UTP4: variants seen among roughly 807,000 people sequenced by gnomAD.
The protein encoded by UTP4 is U3 small nucleolar RNA-associated protein 4 homolog.
A neutral mutation model predicts 82.4 loss-of-function variants in UTP4; 45 were observed. That is an observed-to-expected ratio of 0.55 (90% CI 0.43 to 0.70). The LOEUF is 0.70. Among genes scored for constraint, UTP4 ranks in the 30% least tolerant of loss-of-function variants. The pLI is 0.00. For synonymous variants in UTP4, 348 were observed against 300.3 expected (o/e 1.16, Z -1.64); for missense variants, 819 against 858.3 (o/e 0.95, Z 0.57).
intron 14 of UTP4, among the ~76,000 whole-genome samples, chr16:69,164,210 G>GCA (rs1398353892): frequency 6.6e-6 from 1 of 151,698 alleles, no homozygotes; most frequent in African/African-American, 2.4e-5. Context: ...ACTCACACAT[G>GCA]CACACACACA....
At chr16:69,142,001 G>A (rs1433097221) in intron 5 of UTP4, 1 of 117,810 alleles carries the variant, frequency 8.5e-6, no homozygotes, top group African/African-American at 3.4e-5. Context: ...CCCTCACCCC[G>A]AAACTCTTCT....
Position 69,157,223 on chromosome 16 carries a change from C to T in UTP4, c.1427C>T (p.Ala476Val). 1 of 1,614,136 alleles carries T rather than the reference C, an allele frequency of 6.2e-7. No individual in the cohort carries two copies. The highest frequency in any genetic ancestry group is 8.5e-7 in the Non-Finnish European group (1 of 1,180,016). Residue 476 changes from alanine (A) to valine (V), a missense_variant, in exon 12 of 17, where the codon GCT (alanine) becomes GTT (valine). Transcript: ENST00000314423. The stretch of plus-strand genomic sequence containing the variant: ...GGAGGAAGCTTCAAGCACCTGCATG[C>T]TTTCCAGCCTCAGTCAGGTGGGAAT... The part of the protein sequence containing the change: ...LSGGSFKHLH[A>V]FQPQSGTVEA...
At chr16:69,150,456 T>G (rs897031944) in intron 6 of UTP4, 81 bp from the exon 7 acceptor site, 1 of 1,501,496 alleles carries the variant, frequency 6.7e-7, no homozygotes, top group African/African-American at 1.4e-5. Flanking sequence ...CCTAAGCTGC[T>G]GAGACAGAAA....
chr16:69,157,281 C>T (rs1434471175), intron 12 of UTP4, 41 bp downstream of exon 12: 1 of 1,607,518 alleles, frequency 6.2e-7, no homozygotes, highest in Non-Finnish European at 8.5e-7. Context: ...CTTGTCGTGT[C>T]TAAGATGTAA....
At chr16:69,134,206 A>C (rs2152275985) in intron 2 of UTP4, among the ~76,000 whole-genome samples, 1 of 152,214 alleles carries the variant, frequency 6.6e-6, no homozygotes, top group South Asian at 2.1e-4. Context: ...TTCGGGTGCA[A>C]CATCTTAGTT....
chr16:69,148,304 C>T (rs987979656), intron 6 of UTP4, among the ~76,000 whole-genome samples: 4 of 151,196 alleles, frequency 2.6e-5, no homozygotes, highest in Admixed American at 1.3e-4. Flanking sequence ...ATTATGTTGG[C>T]CAGGCTGGTG....
At chr16:69,151,572 G>A (rs566653939) in intron 8 of UTP4, among the ~76,000 whole-genome samples, 2 of 150,478 alleles carry the variant, frequency 1.3e-5, no homozygotes, top group South Asian at 2.1e-4. Context: ...CGCCCGCCTC[G>A]GCCTCCCAAA....
intron 6 of UTP4, among the ~76,000 whole-genome samples, chr16:69,147,001 C>CAAAAAAAAAAAAAAAAAAAAAAAAAAAAA (rs71148965): frequency 5.8e-5 from 5 of 85,778 alleles, no homozygotes; most frequent in Non-Finnish European, 9.3e-5. Flanking sequence ...GACTCTGCCT[C>CAAAAAAAAAAAAAAAAAAAAAAAAAAAAA]AAAAAAAAAA....
At chr16:69,168,773 T>A in intron 16 of UTP4, 48 bp from the exon 17 acceptor site, 2 of 1,191,716 alleles carry the variant, frequency 1.7e-6, no homozygotes, top group Non-Finnish European at 2.5e-6. Context: ...CTTTCAGGAC[T>A]AGCCCTGGAT....
chr16:69,149,690 C>T (rs1300931481), intron 6 of UTP4, among the ~76,000 whole-genome samples: 3 of 152,100 alleles, frequency 2.0e-5, no homozygotes, highest in African/African-American at 7.2e-5. Flanking sequence ...CTCTGCCCAC[C>T]TTGTTTATTT....
chr16:69,135,917 T>C (rs187429030), intron 2 of UTP4, among the ~76,000 whole-genome samples: 4 of 152,214 alleles, frequency 2.6e-5, no homozygotes, highest in Non-Finnish European at 5.9e-5. Flanking sequence ...TAATCCCAGC[T>C]ACTCAGGATG....
chr16:69,142,803 C>G (rs1324084394), intron 5 of UTP4, among the ~76,000 whole-genome samples: 1 of 152,176 alleles, frequency 6.6e-6, no homozygotes, highest in Non-Finnish European at 1.5e-5. Context: ...TCCCAAATGT[C>G]TCTTTCCATT....
At position 69,143,231 on chromosome 16, in the gene UTP4, C is replaced by T. The variant is rs139725482; in HGVS notation, c.580C>T (p.Arg194Trp). The change falls in exon 6 of 17, where the codon CGG (arginine) becomes TGG (tryptophan). Residue 194 changes from arginine (R) to tryptophan (W), a missense_variant. Coordinates refer to ENST00000314423, the MANE Select transcript of UTP4 (RefSeq NM_032830.3). Reference protein sequence around the residue: ...VDRQYMGVSKRKCIVWGVAFL... With the variant: ...VDRQYMGVSKWKCIVWGVAFL... ...CAGGCAGTATATGGGCGTGTCTAAG[C>T]GGAAGTGCATCGTGTGGGGTGTCGC... 44 of 1,614,218 alleles carry T rather than the reference C, an allele frequency of 2.7e-5. No homozygotes were observed. Among genetic ancestry groups the T allele is most frequent in the African/African-American group, 2.0e-4 (15 of 75,046 alleles).
intron 14 of UTP4, among the ~76,000 whole-genome samples, chr16:69,164,608 A>ATATG: frequency 7.2e-6 from 1 of 138,466 alleles, no homozygotes; most frequent in South Asian, 2.1e-4. Context: ...ATATATATAT[A>ATATG]TATATATGTA....
chr16:69,149,437 C>A (rs988089618), intron 6 of UTP4, among the ~76,000 whole-genome samples: 5 of 151,878 alleles, frequency 3.3e-5, no homozygotes, highest in Non-Finnish European at 5.9e-5. Context: ...GTAATCCCAG[C>A]TACTTGGGAG....
chr16:69,167,034 A>G (rs753327738), intron 15 of UTP4, 41 bp from the exon 16 acceptor site: 6 of 1,424,294 alleles, frequency 4.2e-6, no homozygotes, highest in East Asian at 4.5e-5. Context: ...CAGAAGCCCA[A>G]TAAAAGTAAC....
intron 8 of UTP4, among the ~76,000 whole-genome samples, chr16:69,152,884 G>T (rs934106602): frequency 6.6e-6 from 1 of 151,976 alleles, no homozygotes; most frequent in Non-Finnish European, 1.5e-5. Context: ...TCAGCCTCTC[G>T]ATTGCTGGCA....
chr16:69,164,073 A>AC (rs1963635805), intron 14 of UTP4, among the ~76,000 whole-genome samples: 1 of 151,580 alleles, frequency 6.6e-6, no homozygotes, highest in Non-Finnish European at 1.5e-5. Context: ...TTTAGTAGAG[A>AC]TGGAGTTTCA....
chr16:69,167,283 C>T (rs567961378), intron 16 of UTP4, 98 bp downstream of exon 16: 6 of 810,538 alleles, frequency 7.4e-6, no homozygotes, highest in South Asian at 7.1e-5. Flanking sequence ...CCTTCAGTTT[C>T]CATGCAGAGA....
Sources: allele counts gnomAD v4.1 joint callset (sites outside exome capture counted in the v4.1 genomes callset), GRCh38; gene constraint gnomAD v4.1.1; transcripts MANE v1.5; gene names NCBI Gene and HGNC (gene_info 2026-07-23, HGNC 2026-07-21).